RFWD3: variants seen among roughly 807,000 people sequenced by gnomAD.
The protein encoded by RFWD3 is E3 ubiquitin-protein ligase RFWD3.
A neutral mutation model predicts 87.7 loss-of-function variants in RFWD3; 65 were observed. The observed-to-expected ratio is 0.74, with a 90% CI of 0.61 to 0.91. The LOEUF is 0.91. RFWD3 is among the 40% of genes least tolerant of loss of function. The pLI, the probability that RFWD3 is intolerant of heterozygous loss-of-function variation, is 0.00. For synonymous variants in RFWD3, 433 were observed against 352.8 expected (o/e 1.23, Z -2.55); for missense variants, 1,078 against 938.5 (o/e 1.15, Z -1.94).
At chr16:74,628,246 C>T (rs1035372540) in intron 11 of RFWD3, among the ~76,000 whole-genome samples, 1 of 152,134 alleles carries the variant, frequency 6.6e-6, no homozygotes, top group African/African-American at 2.4e-5. Flanking sequence ...AGAATATGCT[C>T]CAGTCCTCAC....
intron 11 of RFWD3, 120 bp downstream of exon 11, chr16:74,628,332 C>G: frequency 1.1e-6 from 1 of 883,518 alleles, no homozygotes; most frequent in Non-Finnish European, 1.7e-6. Context: ...AGAGCTACAA[C>G]ACACCTCGTT....
intron 3 of RFWD3, among the ~76,000 whole-genome samples, chr16:74,651,242 C>T (rs1960539665): frequency 6.6e-6 from 1 of 152,212 alleles, no homozygotes; most frequent in South Asian, 2.1e-4. Flanking sequence ...TAAAGTTCCA[C>T]TTGCATAACA....
intron 7 of RFWD3, among the ~76,000 whole-genome samples, chr16:74,637,122 TAAAAAAAAAAA>T (rs759556308): frequency 4.9e-5 from 5 of 101,804 alleles, no homozygotes; most frequent in Admixed American, 2.3e-4. Context: ...TAAAGTCCTT[TAAAAAAAAAAA>T]AAAAAAAAAA....
At chr16:74,648,953 T>C (rs1960374398) in intron 4 of RFWD3, among the ~76,000 whole-genome samples, 179 bp downstream of exon 4, 1 of 151,824 alleles carries the variant, frequency 6.6e-6, no homozygotes, top group African/African-American at 2.4e-5. Flanking sequence ...TGTGGTGGCA[T>C]TACCTGTAGT....
chr16:74,624,869 G>A (rs1958877248), intron 12 of RFWD3, among the ~76,000 whole-genome samples: 2 of 152,224 alleles, frequency 1.3e-5, no homozygotes, highest in Admixed American at 1.3e-4. Context: ...GTGCATGCCC[G>A]CAGTCCCAGC....
At chr16:74,627,529 C>T (rs1326772236) in intron 11 of RFWD3, among the ~76,000 whole-genome samples, 1 of 152,154 alleles carries the variant, frequency 6.6e-6, no homozygotes, top group Non-Finnish European at 1.5e-5. Flanking sequence ...CCGTTATTTC[C>T]TGTGTTTTGT....
chr16:74,654,008 A>G (rs4888267), intron 2 of RFWD3, among the ~76,000 whole-genome samples: 89,428 of 152,022 alleles, frequency 0.59, 27,521 homozygotes, highest in African/African-American at 0.77. Flanking sequence ...CCACAATTTA[A>G]AAGTGTTCAA....
Position 74,644,433 on chromosome 16 carries a change from G to A in RFWD3, c.1008C>T (p.His336=), listed in dbSNP as rs143069050. The A allele has an allele frequency of 2.4e-5, 38 of 1,614,214 alleles. 1 individual carries two copies. The Middle Eastern group carries it at 1.2e-3, about 49-fold the overall frequency. ...KCPQCNKKAR[H]SDIVVLYART... is the part of the protein sequence containing the mutation. ...GGGCATAAAGGACGACAATGTCACT[G>A]TGCCTGGCTTTCTTGTTGCACTAAA... is the stretch of plus-strand genomic sequence containing the variant. Residue 336 remains histidine (H), a synonymous_variant, in exon 6 of 13, where the codon CAC becomes CAT. Coordinates refer to ENST00000361070, the MANE Select transcript of RFWD3 (RefSeq NM_018124.4).
chr16:74,666,567 C>G (rs1961941655), intron 1 of RFWD3: 1 of 152,266 alleles, frequency 6.6e-6, no homozygotes, highest in African/African-American at 2.4e-5. Flanking sequence ...CCAGCCCCCA[C>G]GCCCAGCAAC....
At chr16:74,630,001 TCAAA>T (rs1959041740) in intron 10 of RFWD3, among the ~76,000 whole-genome samples, 1 of 152,226 alleles carries the variant, frequency 6.6e-6, no homozygotes, top group Admixed American at 6.5e-5. Flanking sequence ...TATGGTATCT[TCAAA>T]CAAGTTGGTT....
At chr16:74,649,104 G>C in intron 4 of RFWD3, 28 bp downstream of exon 4, 2 of 1,452,948 alleles carry the variant, frequency 1.4e-6, no homozygotes, top group South Asian at 1.2e-5. Context: ...TAAATAAATA[G>C]ATTTTTTTAA....
intron 7 of RFWD3, among the ~76,000 whole-genome samples, chr16:74,637,077 T>C (rs955123018): frequency 7.2e-6 from 1 of 138,812 alleles, no homozygotes; most frequent in African/African-American, 2.8e-5. Flanking sequence ...AGAATCATAA[T>C]ATGAGGGTTG....
At chr16:74,628,985 G>A (rs1156690722) in intron 10 of RFWD3, among the ~76,000 whole-genome samples, 1 of 148,706 alleles carries the variant, frequency 6.7e-6, no homozygotes, top group Non-Finnish European at 1.5e-5. Context: ...AATGGGTTTA[G>A]CCACATAAGA....
chr16:74,653,705 AG>A (rs1960748022), intron 2 of RFWD3, among the ~76,000 whole-genome samples: 1 of 152,184 alleles, frequency 6.6e-6, no homozygotes, highest in African/African-American at 2.4e-5. Context: ...GTGACCTACT[AG>A]AAGTTTTAAT....
rs538771500 is a variant in RFWD3, at chr16:74,628,773, C to T, written c.1755-107G>A. ...TCCCACCTCTGCAGAGGAGGTTAAA[C>T]GCCTTTAGTCACTATCCTCTGATAT... On this transcript the variant is annotated intron_variant, in intron 10 of 12. Coordinates refer to ENST00000361070, the MANE Select transcript of RFWD3 (RefSeq NM_018124.4). 3.3e-3 allele frequency: 2,831 copies of T among 868,868 alleles called. 16 individuals carry two copies. The highest frequency in any genetic ancestry group is 4.9e-3 in the Non-Finnish European group (2,660 of 545,462). The allele number at this position is 868,868 out of a possible 1,614,324, so 53.8% of individuals were successfully genotyped here. A position where few individuals can be genotyped will look rare whatever the true frequency, so the allele number is the denominator to read the frequency against.
intron 6 of RFWD3, among the ~76,000 whole-genome samples, chr16:74,643,032 A>G (rs1959794527): frequency 6.6e-6 from 1 of 152,228 alleles, no homozygotes; most frequent in Non-Finnish European, 1.5e-5. Context: ...CTCTGTACAC[A>G]TCTTCCATTA....
intron 6 of RFWD3, among the ~76,000 whole-genome samples, chr16:74,641,850 T>C (rs774041421): frequency 7.0e-5 from 9 of 128,480 alleles, no homozygotes; most frequent in Non-Finnish European, 1.1e-4. Context: ...TGCTTGAACC[T>C]GGGAGGCGGG....
intron 4 of RFWD3, among the ~76,000 whole-genome samples, chr16:74,645,317 T>C (rs900274263): frequency 2.6e-5 from 4 of 152,224 alleles, no homozygotes; most frequent in African/African-American, 9.6e-5. Flanking sequence ...TATCTTTCCT[T>C]TGGCATAGCA....
In RFWD3 at chr16:74,661,029, A is replaced by T; in HGVS notation, c.421T>A (p.Ser141Thr). 1 of 1,614,184 alleles carries T rather than the reference A, an allele frequency of 6.2e-7. No homozygotes were observed. The highest frequency in any genetic ancestry group is 8.5e-7 in the Non-Finnish European group (1 of 1,180,026). The change falls in exon 2 of 13, where the codon TCT (serine) becomes ACT (threonine). Residue 141 changes from serine (S) to threonine (T), a missense_variant. By Grantham distance (58) the Ser-to-Thr change is moderately conservative (BLOSUM62 1). Coordinates refer to ENST00000361070, the MANE Select transcript of RFWD3 (RefSeq NM_018124.4). ...ATTGGCCCTACACTGTGGTTTGAAG[A>T]TGAAGGTCTCAGGAATTCCAGCATG... ...HGMLEFLRPS[S>T]SNHSVGPMRT... is the part of the protein sequence containing the mutation.
Sources: allele counts gnomAD v4.1 joint callset (sites outside exome capture counted in the v4.1 genomes callset), GRCh38; gene constraint gnomAD v4.1.1; transcripts MANE v1.5; gene names NCBI Gene and HGNC (gene_info 2026-07-23, HGNC 2026-07-21).